The following RSPH6A variants were observed in gnomAD, a reference collection of about 807,000 sequenced individuals.
The protein encoded by RSPH6A is radial spoke head protein 6 homolog A.
In RSPH6A, 49 loss-of-function variants were observed where a neutral mutation model predicts 66.1. That is an observed-to-expected ratio of 0.74 (90% CI 0.59 to 0.94). RSPH6A has a LOEUF of 0.94. Among genes scored for constraint, RSPH6A ranks in the 40% least tolerant of loss-of-function variants. The probability of loss-of-function intolerance (pLI) is 0.00; values close to 1 mark genes in which losing one functional copy is unlikely to be tolerated. For synonymous variants in RSPH6A, 419 were observed against 402.4 expected, an observed-to-expected ratio of 1.04 and a Z score of -0.49; for missense variants, 977 against 948.3, an observed-to-expected ratio of 1.03 and a Z score of -0.40.
Position 45,800,445 on chromosome 19 carries a change from C to T in RSPH6A, c.1916+1G>A. 1 of 1,611,122 alleles carries T rather than the reference C, an allele frequency of 6.2e-7. No homozygotes were observed. The highest frequency in any genetic ancestry group is 8.5e-7 in the Non-Finnish European group (1 of 1,178,410). ...CTGGGAGGGGCTGGGGGAAGACCTA[C>T]TTGCCACTGGCATAGGCATAGGCCC... On this transcript the variant is annotated splice_donor_variant, in intron 5 of 5. Coordinates refer to ENST00000221538, the MANE Select transcript of RSPH6A (RefSeq NM_030785.4). LOFTEE classifies it high-confidence loss of function.
At chr19:45,799,707 G>C (rs555980751) in intron 5 of RSPH6A, among the ~76,000 whole-genome samples, 1 of 152,020 alleles carries the variant, frequency 6.6e-6, no homozygotes, top group Non-Finnish European at 1.5e-5. Flanking sequence ...GGAACAACTG[G>C]TGGTGGGAGG....
At chr19:45,796,225 CT>C in intron 5 of RSPH6A, 119 bp from the exon 6 acceptor site, 1 of 696,326 alleles carries the variant, frequency 1.4e-6, no homozygotes, top group Non-Finnish European at 2.2e-6. Flanking sequence ...GTGATCTCGA[CT>C]TACTGCAACC....
Position 45,796,049 on chromosome 19 carries a change from G to A in RSPH6A, c.1974C>T (p.Asn658=). The A allele has an allele frequency of 1.2e-6, 2 of 1,613,110 alleles. No individual in the cohort carries two copies. ...WGHKYSPESF[N]PALPAPIQQE... is the part of the protein sequence containing the mutation. Reference sequence around the variant, plus strand: ...GTTGAATGGGGGCTGGCAGGGCCGGGTTGAAGCTCTCGGGGCTGTACTTGT... The same window carrying A: ...GTTGAATGGGGGCTGGCAGGGCCGGATTGAAGCTCTCGGGGCTGTACTTGT... The change falls in exon 6 of 6, where the codon AAC becomes AAT. Residue 658 remains asparagine (N), a synonymous_variant. Coordinates refer to ENST00000221538, the MANE Select transcript of RSPH6A (RefSeq NM_030785.4).
chr19:45,799,014 C>T (rs1970438819), intron 5 of RSPH6A, among the ~76,000 whole-genome samples: 1 of 152,046 alleles, frequency 6.6e-6, no homozygotes, highest in Non-Finnish European at 1.5e-5. Flanking sequence ...AGGGTATAGC[C>T]TGAAGAAGGG....
rs1055399729 is a variant in RSPH6A, at chr19:45,802,190, T to C, written c.1728A>G (p.Ala576=). The change falls in exon 4 of 6, where the codon GCA becomes GCG. Residue 576 remains alanine (A), a synonymous_variant. Coordinates refer to ENST00000221538, the MANE Select transcript of RSPH6A (RefSeq NM_030785.4). ...GCTCCACCTCCTCTGGCCCCTCATC[T>C]GCCTTCTCTTCCTCCTCCCCCAGGT... ...EEDLGEEEEK[A]DEGPEEVEQE... is the part of the protein sequence containing the mutation. The C allele has an allele frequency of 3.9e-6, 6 of 1,554,738 alleles. No homozygotes were observed. The highest frequency in any genetic ancestry group is 4.4e-6 in the Non-Finnish European group (5 of 1,146,256).
chr19:45,798,426 G>A (rs1029445938), intron 5 of RSPH6A, among the ~76,000 whole-genome samples: 1 of 151,542 alleles, frequency 6.6e-6, no homozygotes, highest in Non-Finnish European at 1.5e-5. Context: ...TGTAATCCTA[G>A]TATGTTGGGA....
At position 45,815,193 on chromosome 19, in the gene RSPH6A, C is replaced by A. The variant is rs568923639; in HGVS notation, c.-17G>T. ...GTCTCCCATGGTTCGCCAGGAGGCA[C>A]AGATCTCTAGGAGAAAGGCTTGCAG... On this transcript the variant is annotated 5_prime_UTR_variant, in exon 1 of 6. Transcript: ENST00000221538. 6.3e-7 allele frequency: 1 copy of A among 1,576,594 alleles called. No homozygotes were observed. The highest frequency in any genetic ancestry group is 1.1e-5 in the South Asian group (1 of 88,338).
chr19:45,795,762 G>A lies in RSPH6A; in HGVS notation c.*107C>T. 1 of 1,020,548 alleles carries A rather than the reference G, an allele frequency of 9.8e-7. No individual in the cohort carries two copies. The highest frequency in any genetic ancestry group is 1.4e-6 in the Non-Finnish European group (1 of 697,870). The allele number at this position is 1,020,548 out of a possible 1,614,324, so 63.2% of individuals were successfully genotyped here. ...GCAGTTGCCTTCCTTTTCTATCCCT[G>A]CCCTCTGGGGACAGGAAGCACATAG... On this transcript the variant is annotated 3_prime_UTR_variant, in exon 6 of 6. Coordinates refer to ENST00000221538, the MANE Select transcript of RSPH6A (RefSeq NM_030785.4).
rs139826079 is a variant in RSPH6A at position 45,804,307 on chromosome 19, T to G, written c.1598A>C (p.Glu533Ala). 183 of 1,614,004 alleles carry G rather than the reference T, an allele frequency of 1.1e-4. No individual in the cohort carries two copies. The highest frequency in any genetic ancestry group is 1.4e-4 in the Non-Finnish European group (168 of 1,180,002). The part of the protein sequence containing the change: ...NPDFEGIPVL[E>A]LVDSMANWVH... The stretch of plus-strand genomic sequence containing the variant: ...CCAGTTGGCCATGGAGTCGACCAGC[T>G]CCAGCACGGGGATGCCCTCGAAGTC... Residue 533 changes from glutamate to alanine, a missense_variant, in exon 3 of 6, where the codon GAG becomes GCG. By Grantham distance (107) the Glu-to-Ala change is moderately radical. Coordinates refer to ENST00000221538, the MANE Select transcript of RSPH6A (RefSeq NM_030785.4). The surrounding 1 kb of genome is among the most constrained non-coding windows in gnomAD (Gnocchi z 5.8).
chr19:45,812,153 T>C (rs1421806875), intron 1 of RSPH6A, among the ~76,000 whole-genome samples: 1 of 151,592 alleles, frequency 6.6e-6, no homozygotes. Flanking sequence ...GTGCAGTGGC[T>C]CGGTCTTGGC....
rs1970479292 is a variant in RSPH6A at position 45,801,970 on chromosome 19, C to A, written c.1798+150G>T. 15 of 664,064 alleles carry A rather than the reference C, an allele frequency of 2.3e-5. No homozygotes were observed. The Middle Eastern group carries it at 8.5e-4, about 38-fold the overall frequency. 41.1% of individuals were successfully genotyped at this position (664,064 alleles called of 1,614,324 possible). A position where few individuals can be genotyped will look rare whatever the true frequency, so the allele number is the denominator to read the frequency against. ...ATGTTCCCAGAACCTCCTGATGGGG[C>A]CACTGTGATTACACCCATTTTTTAG... On this transcript the variant is annotated intron_variant, in intron 4 of 5. Transcript: ENST00000221538.
chr19:45,810,912 C>T (rs1461460098), intron 1 of RSPH6A, 72 bp from the exon 2 acceptor site: 1 of 1,330,150 alleles, frequency 7.5e-7, no homozygotes, highest in Non-Finnish European at 1.0e-6. Context: ...TCCCATGTGC[C>T]TGGCCCTGTG....
In RSPH6A at chr19:45,802,221, T is replaced by A. The variant is rs1431123158; in HGVS notation, c.1697A>T (p.Glu566Val). 1 of 1,542,864 alleles carries A rather than the reference T, an allele frequency of 6.5e-7. No individual in the cohort carries two copies. Among genetic ancestry groups the A allele is most frequent in the Admixed American group, 1.9e-5 (1 of 53,142 alleles). ...CTCTTCCTCCTCCCCCAGGTCCTCC[T>A]CCTCCTCTGTCTTCTGCAAAGGGTT... Reference protein sequence around the residue: ...WVNPLQKTEEEEDLGEEEEKA... With the variant: ...WVNPLQKTEEVEDLGEEEEKA... Residue 566 changes from glutamate to valine, a missense_variant, in exon 4 of 6, where the codon GAG becomes GTG. Transcript: ENST00000221538.
chr19:45,798,628 G>A (rs1235660556), intron 5 of RSPH6A, among the ~76,000 whole-genome samples: 4 of 151,414 alleles, frequency 2.6e-5, no homozygotes, highest in Non-Finnish European at 4.4e-5. Flanking sequence ...CATGAGGTCA[G>A]GAGATTGAGA....
chr19:45,810,871 G>A (rs993163807), intron 1 of RSPH6A, 31 bp from the exon 2 acceptor site: 4 of 1,557,348 alleles, frequency 2.6e-6, no homozygotes, highest in African/African-American at 1.4e-5. Context: ...GGGAGGAGAG[G>A]GACCTCACTC....
intron 2 of RSPH6A, among the ~76,000 whole-genome samples, chr19:45,806,772 G>A (rs1405488251): frequency 6.6e-6 from 1 of 150,698 alleles, no homozygotes; most frequent in Non-Finnish European, 1.5e-5. Flanking sequence ...CATCTGCACG[G>A]GCCACACACC....
intron 2 of RSPH6A, among the ~76,000 whole-genome samples, chr19:45,810,295 G>T (rs10401826): frequency 1.3e-5 from 2 of 151,938 alleles, no homozygotes; most frequent in Non-Finnish European, 2.9e-5. Context: ...CTCAGCCTCC[G>T]GAGTAGCTGG....
At chr19:45,812,590 T>C (rs896333913) in intron 1 of RSPH6A, among the ~76,000 whole-genome samples, 3 of 152,110 alleles carry the variant, frequency 2.0e-5, no homozygotes, top group African/African-American at 7.2e-5. Context: ...ACTTGGGGAA[T>C]AGCCAGAGGT....
At chr19:45,814,417 T>C (rs1970672460) in intron 1 of RSPH6A, 110 bp downstream of exon 1, 1 of 1,011,030 alleles carries the variant, frequency 9.9e-7, no homozygotes, top group Non-Finnish European at 1.4e-6. Context: ...TTAGAGTCAC[T>C]GGTTTTCCAT....
Sources: allele counts gnomAD v4.1 joint callset (sites outside exome capture counted in the v4.1 genomes callset), GRCh38; gene constraint gnomAD v4.1.1; non-coding constraint Gnocchi (gnomAD v3.1); transcripts MANE v1.5; gene names NCBI Gene and HGNC (gene_info 2026-07-23, HGNC 2026-07-21).